Variants in GPR158 observed in about 807,000 individuals in gnomAD.
GPR158 encodes the protein metabotropic glycine receptor.
In GPR158, 30 loss-of-function variants were observed where a neutral mutation model predicts 78.2. The ratio of observed to expected loss-of-function variants is 0.38; its 90% CI spans 0.29 to 0.52. GPR158 has a LOEUF of 0.52. GPR158 is among the 20% of genes least tolerant of loss of function. GPR158 has a pLI of 0.83. For missense variants in GPR158, 1,463 were observed against 1,523.5 expected (o/e 0.96, Z 0.66); for synonymous variants, 581 against 591.1 (o/e 0.98, Z 0.25).
intron 3 of GPR158, among the ~76,000 whole-genome samples, chr10:25,410,210 A>C (rs1255062146): frequency 1.3e-5 from 2 of 152,158 alleles, no homozygotes; most frequent in Non-Finnish European, 2.9e-5. Context: ...TCTGTCTTCT[A>C]ACTTCTCTGT....
chr10:25,584,635 T>A (rs1459609025), intron 7 of GPR158, among the ~76,000 whole-genome samples: 2 of 152,268 alleles, frequency 1.3e-5, no homozygotes, highest in African/African-American at 4.8e-5. Context: ...ATCCTTCAAC[T>A]ACAGCATATT....
intron 2 of GPR158, among the ~76,000 whole-genome samples, chr10:25,392,585 G>A (rs891566121): frequency 3.3e-5 from 5 of 152,144 alleles, no homozygotes; most frequent in African/African-American, 7.2e-5. Flanking sequence ...CCTCATGGAG[G>A]AGAAACAAGT....
intron 2 of GPR158, among the ~76,000 whole-genome samples, chr10:25,245,098 A>C (rs945820014): frequency 2.0e-5 from 3 of 152,238 alleles, no homozygotes; most frequent in Non-Finnish European, 4.4e-5. Flanking sequence ...TCTCTCAACT[A>C]CTAATTTCGT....
intron 2 of GPR158, among the ~76,000 whole-genome samples, chr10:25,230,680 T>TA (rs1853435737): frequency 6.6e-6 from 1 of 152,182 alleles, no homozygotes; most frequent in African/African-American, 2.4e-5. Context: ...GACTTACTGG[T>TA]AAAACAACAG....
chr10:25,506,588 A>C (rs1836016697), intron 5 of GPR158, among the ~76,000 whole-genome samples: 1 of 152,230 alleles, frequency 6.6e-6, no homozygotes, highest in Non-Finnish European at 1.5e-5. Context: ...TCACATAAAG[A>C]GACAACTCTG....
At chr10:25,362,704 A>G (rs1260105274) in intron 2 of GPR158, among the ~76,000 whole-genome samples, 1 of 151,788 alleles carries the variant, frequency 6.6e-6, no homozygotes, top group Non-Finnish European at 1.5e-5. Context: ...ACTCTTTTTC[A>G]TGCTAGTATA....
At chr10:25,426,547 C>A (rs1279607643) in intron 4 of GPR158, among the ~76,000 whole-genome samples, 1 of 151,906 alleles carries the variant, frequency 6.6e-6, no homozygotes, top group African/African-American at 2.4e-5. Context: ...ATTGTTATGT[C>A]TCAGGGAATA....
chr10:25,317,806 G>A (rs574735303), intron 2 of GPR158, among the ~76,000 whole-genome samples: 2 of 149,706 alleles, frequency 1.3e-5, no homozygotes, highest in African/African-American at 5.0e-5. Flanking sequence ...TCAGCTCACT[G>A]CAGTGTCCGC....
chr10:25,398,854 A>C (rs1022296482), intron 3 of GPR158, among the ~76,000 whole-genome samples: 4 of 152,174 alleles, frequency 2.6e-5, no homozygotes, highest in African/African-American at 9.7e-5. Flanking sequence ...CTGACAGAGC[A>C]GAACAGTCGC....
chr10:25,475,346 T>C (rs1835567817), intron 5 of GPR158: 1 of 152,206 alleles, frequency 6.6e-6, no homozygotes, highest in African/African-American at 2.4e-5. Flanking sequence ...GACTTCATGC[T>C]TAACTAGCTA....
intron 2 of GPR158, among the ~76,000 whole-genome samples, chr10:25,233,515 A>G (rs1853480982): frequency 1.3e-5 from 2 of 152,334 alleles, no homozygotes; most frequent in Admixed American, 6.5e-5. Context: ...TTGCAATTCT[A>G]GATCTGTTGA....
At chr10:25,434,719 G>A (rs574130441) in intron 4 of GPR158, among the ~76,000 whole-genome samples, 8 of 152,276 alleles carry the variant, frequency 5.3e-5, no homozygotes, top group East Asian at 3.9e-4. Flanking sequence ...GGTCACAGAC[G>A]TTAAAGTCCA....
At chr10:25,409,558 CTTCT>C (rs1564447342) in intron 3 of GPR158, among the ~76,000 whole-genome samples, 1 of 152,098 alleles carries the variant, frequency 6.6e-6, no homozygotes, top group East Asian at 1.9e-4. Context: ...CAACTGATTC[CTTCT>C]TTCTGCTAAA....
intron 2 of GPR158, among the ~76,000 whole-genome samples, chr10:25,291,823 T>C (rs1437979156): frequency 6.6e-6 from 1 of 151,092 alleles, no homozygotes. Context: ...AAATGAGTTA[T>C]AAGGCTATAT....
chr10:25,590,610 T>A (rs896699734), intron 8 of GPR158, among the ~76,000 whole-genome samples: 1 of 152,152 alleles, frequency 6.6e-6, no homozygotes, highest in African/African-American at 2.4e-5. Context: ...TTCCAAGATA[T>A]AACAAACATG....
At chr10:25,337,974 C>CT (rs1564425988) in intron 2 of GPR158, among the ~76,000 whole-genome samples, 1 of 151,536 alleles carries the variant, frequency 6.6e-6, no homozygotes, top group Non-Finnish European at 1.5e-5. Context: ...TTTAAAATGC[C>CT]TTTTTTCTTA....
At chr10:25,203,087 C>CT (rs1028102499) in intron 1 of GPR158, among the ~76,000 whole-genome samples, 1 of 152,140 alleles carries the variant, frequency 6.6e-6, no homozygotes, top group Non-Finnish European at 1.5e-5. Context: ...CCTTTGCCCA[C>CT]TTTTTGATGG....
At chr10:25,545,643 T>C (rs1357035118) in intron 5 of GPR158, among the ~76,000 whole-genome samples, 1 of 152,168 alleles carries the variant, frequency 6.6e-6, no homozygotes, top group Admixed American at 6.6e-5. Context: ...ATTTTGGTTT[T>C]CAGCTTGTTA....
intron 2 of GPR158, among the ~76,000 whole-genome samples, chr10:25,361,917 A>G (rs1855647127): frequency 6.6e-6 from 1 of 151,942 alleles, no homozygotes; most frequent in South Asian, 2.1e-4. Flanking sequence ...ATTTTGTCCC[A>G]TTACACAGGT....
Sources: allele counts gnomAD v4.1 joint callset (sites outside exome capture counted in the v4.1 genomes callset), GRCh38; gene constraint gnomAD v4.1.1; transcripts MANE v1.5; gene names NCBI Gene and HGNC (gene_info 2026-07-23, HGNC 2026-07-21).